Variants in EIF4ENIF1 observed in about 807,000 individuals in gnomAD.
EIF4ENIF1 encodes eukaryotic translation initiation factor 4E nuclear import factor 1, also known as eukaryotic translation initiation factor 4E transporter.
In EIF4ENIF1, 23 loss-of-function variants were observed where a neutral mutation model predicts 110.5. The ratio of observed to expected loss-of-function variants is 0.21; its 90% CI spans 0.15 to 0.29. The LOEUF (loss-of-function observed/expected upper bound fraction) is 0.29. Ranked by LOEUF, EIF4ENIF1 falls within the 10% of genes least tolerant of loss-of-function variation. The pLI, the probability that EIF4ENIF1 is intolerant of heterozygous loss-of-function variation, is 1.00. For synonymous variants in EIF4ENIF1, 440 were observed against 437.0 expected (o/e 1.01, Z -0.09); for missense variants, 1,031 against 1,221.1 (o/e 0.84, Z 2.32).
At chr22:31,438,518 A>C (rs1398361443), downstream of EIF4ENIF1, among the ~76,000 whole-genome samples, 2 of 152,108 alleles carry the variant, frequency 1.3e-5, no homozygotes, top group African/African-American at 4.8e-5. Flanking sequence ...TTTGAGAGAA[A>C]CTACCATATG....
In EIF4ENIF1 at chr22:31,440,001, C is replaced by G. The variant is rs2050241058; in HGVS notation, c.2837G>C (p.Ser946Thr). 1 of 1,613,764 alleles carries G rather than the reference C, an allele frequency of 6.2e-7. No homozygotes were observed. The highest frequency in any genetic ancestry group is 1.3e-5 in the African/African-American group (1 of 74,930). The change falls in exon 19 of 19, where the codon AGC (serine) becomes ACC (threonine). Residue 946 changes from serine (S) to threonine (T), a missense_variant. Physicochemically the swap from Ser to Thr is moderately conservative, Grantham distance 58. Around this residue, in one of 3 missense-constraint regions of EIF4ENIF1, gnomAD observed 309 missense variants for 299.1 expected, o/e 1.03. Coordinates refer to ENST00000330125, the MANE Select transcript of EIF4ENIF1 (RefSeq NM_019843.4). Reference protein sequence around the residue: ...HMHSQLEHRPSQRSSSPVGLA... With the variant: ...HMHSQLEHRPTQRSSSPVGLA... ...GCCCACAGGGGAGCTGCTCCTCTGG[C>G]TGGGGCGATGCTCCAGCTGGGAGTG...
chr22:31,469,865 A>T (rs1233913050), intron 3 of EIF4ENIF1, among the ~76,000 whole-genome samples: 1 of 152,036 alleles, frequency 6.6e-6, no homozygotes, highest in African/African-American at 2.4e-5. Flanking sequence ...GATAATTTTT[A>T]AAAATATATT....
upstream of EIF4ENIF1, among the ~76,000 whole-genome samples, chr22:31,491,181 C>T (rs1029649645): frequency 1.3e-5 from 2 of 152,094 alleles, no homozygotes; most frequent in Non-Finnish European, 2.9e-5. Context: ...GCTCATGGGG[C>T]AGTTAAGATT....
intron 2 of EIF4ENIF1, among the ~76,000 whole-genome samples, chr22:31,480,201 T>G (rs962555663): frequency 9.2e-5 from 14 of 152,196 alleles, no homozygotes; most frequent in African/African-American, 3.4e-4. Flanking sequence ...ATTTTCTTAG[T>G]TGCAGCAGCC....
Position 31,442,079 on chromosome 22 carries a change from C to T in EIF4ENIF1, c.2246G>A (p.Arg749Gln), listed in dbSNP as rs764001349. 12 of 1,613,958 alleles carry T rather than the reference C, an allele frequency of 7.4e-6. No individual in the cohort carries two copies. The highest frequency in any genetic ancestry group is 6.6e-5 in the South Asian group (6 of 91,074). The change falls in exon 17 of 19, where the codon CGA (arginine) becomes CAA (glutamine). Residue 749 changes from arginine to glutamine, a missense_variant. Coordinates refer to ENST00000330125, the MANE Select transcript of EIF4ENIF1 (RefSeq NM_019843.4). The stretch of plus-strand genomic sequence containing the variant: ...GGAATTTGTAGTGGGAGAAGAGTCT[C>T]GATCGGCACTGGGTACAGAGCTGGA... ...LSSSSVPSAD[R>Q]DSSPTTNSKL...
chr22:31,474,064 C>CTT lies in EIF4ENIF1; in HGVS notation c.97-2149_97-2148dup, dbSNP rs71878640. 2.0e-3 allele frequency among the ~76,000 whole-genome samples: 298 copies of CTT among 145,504 alleles called. 5 individuals carry two copies. The East Asian group carries it at 0.048, about 23-fold the overall frequency. On this transcript the variant is annotated intron_variant, in intron 2 of 18. Coordinates refer to ENST00000330125, the MANE Select transcript of EIF4ENIF1 (RefSeq NM_019843.4). ...GACTCACAGACTCCTAGTTTTTCCTCTTTTTTTTTTTTTGAGACAGTCTTG... is the reference window on the plus strand; with the variant it reads ...GACTCACAGACTCCTAGTTTTTCCTCTTTTTTTTTTTTTTTGAGACAGTCTTG...
intron 7 of EIF4ENIF1, among the ~76,000 whole-genome samples, chr22:31,458,240 A>C (rs1007787354): frequency 6.6e-5 from 10 of 151,018 alleles, no homozygotes; most frequent in African/African-American, 2.4e-4. Context: ...AAAAAAAAAA[A>C]CAACAAAAAA....
chr22:31,487,052 A>G (rs1223815709), intron 2 of EIF4ENIF1, among the ~76,000 whole-genome samples: 1 of 151,922 alleles, frequency 6.6e-6, no homozygotes, highest in African/African-American at 2.4e-5. Flanking sequence ...CCTGGGCAAC[A>G]AGAGTAAAAC....
intron 18 of EIF4ENIF1, 39 bp from the exon 19 acceptor site, chr22:31,440,160 A>C (rs1601546717): frequency 6.2e-7 from 1 of 1,613,906 alleles, no homozygotes; most frequent in Non-Finnish European, 8.5e-7. Context: ...CAGCATGAGA[A>C]GGAAAGTTTA....
intron 2 of EIF4ENIF1, among the ~76,000 whole-genome samples, chr22:31,475,572 T>C (rs1371250057): frequency 6.6e-6 from 1 of 151,890 alleles, no homozygotes; most frequent in Non-Finnish European, 1.5e-5. Context: ...GCCAACATGG[T>C]GAAACCCTGT....
chr22:31,479,130 G>A (rs1177116610), intron 2 of EIF4ENIF1, among the ~76,000 whole-genome samples: 1 of 149,820 alleles, frequency 6.7e-6, no homozygotes, highest in African/African-American at 2.5e-5. Flanking sequence ...TCACCAAGGC[G>A]ATCTCAGCTC....
intron 6 of EIF4ENIF1, among the ~76,000 whole-genome samples, chr22:31,462,348 T>C (rs2051022749): frequency 6.6e-6 from 1 of 151,984 alleles, no homozygotes; most frequent in African/African-American, 2.4e-5. Flanking sequence ...CCAGGCGTCA[T>C]GGCAGGCACC....
At chr22:31,486,732 G>A (rs536605653) in intron 2 of EIF4ENIF1, among the ~76,000 whole-genome samples, 10 of 152,068 alleles carry the variant, frequency 6.6e-5, no homozygotes, top group South Asian at 4.1e-4. Flanking sequence ...AATCAAGATC[G>A]CACCATTGCA....
intron 7 of EIF4ENIF1, among the ~76,000 whole-genome samples, chr22:31,456,353 AGCTGG>A (rs1227593273): frequency 6.6e-6 from 1 of 150,920 alleles, no homozygotes. Context: ...CCTCCTGAGT[AGCTGG>A]GACTACAGGC....
At chr22:31,443,705 A>G (rs2050374625) in intron 15 of EIF4ENIF1, among the ~76,000 whole-genome samples, 1 of 152,082 alleles carries the variant, frequency 6.6e-6, no homozygotes, top group Non-Finnish European at 1.5e-5. Flanking sequence ...CACCGGTGCA[A>G]AGACCCACGT....
chr22:31,469,894 G>A (rs1281145749), intron 3 of EIF4ENIF1, among the ~76,000 whole-genome samples: 2 of 152,064 alleles, frequency 1.3e-5, no homozygotes, highest in South Asian at 2.1e-4. Context: ...CAGACGCAGT[G>A]GCTCATGCCT....
In EIF4ENIF1 at chr22:31,449,473, A is replaced by G; in HGVS notation, c.1643T>C (p.Met548Thr). ...AGATGTTGTAGGCTCCAAGCTCCCC[A>G]TAAGGCCACTCAGAAGATTGGAAGA... ...PASSNLLSGL[M>T]GSLEPTTSLL... The change falls in exon 12 of 19, where the codon ATG (methionine) becomes ACG (threonine). Residue 548 changes from methionine (M) to threonine (T), a missense_variant. Met to Thr is a moderately conservative substitution (Grantham distance 81). Transcript: ENST00000330125. 2 of 1,614,138 alleles carry G rather than the reference A, an allele frequency of 1.2e-6. No homozygotes were observed. The highest frequency in any genetic ancestry group is 1.1e-5 in the South Asian group (1 of 91,084).
chr22:31,450,491 A>G (rs2145927285), intron 10 of EIF4ENIF1, 131 bp from the exon 11 acceptor site: 2 of 640,826 alleles, frequency 3.1e-6, no homozygotes, highest in East Asian at 6.2e-5. Context: ...GTCACAGAAA[A>G]CTTAGACCAA....
intron 2 of EIF4ENIF1, among the ~76,000 whole-genome samples, chr22:31,486,878 C>G (rs180903073): frequency 2.1e-3 from 309 of 148,182 alleles, no homozygotes; most frequent in Middle Eastern, 0.018. Flanking sequence ...GTTGGGAGTT[C>G]GAGACTAGCC....
Sources: allele counts gnomAD v4.1 joint callset (sites outside exome capture counted in the v4.1 genomes callset), GRCh38; gene constraint gnomAD v4.1.1; regional missense constraint gnomAD v4.1.1; transcripts MANE v1.5; gene names NCBI Gene and HGNC (gene_info 2026-07-23, HGNC 2026-07-21).